COL11A1: variants seen among roughly 807,000 people sequenced by gnomAD.
COL11A1 encodes the protein collagen alpha-1(XI) chain.
In COL11A1, 74 loss-of-function variants were observed where a neutral mutation model predicts 265.2. The observed-to-expected ratio is 0.28, with a 90% CI of 0.23 to 0.34. COL11A1 has a LOEUF of 0.34. Ranked by LOEUF, COL11A1 falls within the 10% of genes least tolerant of loss-of-function variation. The probability of loss-of-function intolerance (pLI) is 1.00; values close to 1 mark genes in which losing one functional copy is unlikely to be tolerated. For missense variants in COL11A1, 2,165 were observed against 2,263.6 expected (o/e 0.96, Z 0.88); for synonymous variants, 816 against 727.6 (o/e 1.12, Z -1.96).
intron 1 of COL11A1, among the ~76,000 whole-genome samples, chr1:103,086,618 G>A (rs1226000970): frequency 1.3e-5 from 2 of 151,970 alleles, no homozygotes; most frequent in East Asian, 1.9e-4. Flanking sequence ...GGGTTTCACA[G>A]TGTTAGCCAG....
rs199954324 is a variant in COL11A1 at position 103,005,811 on chromosome 1, G to A, written c.1845+27C>T. 2.7e-5 allele frequency: 44 copies of A among 1,611,670 alleles called. No individual in the cohort carries two copies. The East Asian group carries it at 9.1e-4, about 34-fold the overall frequency. On this transcript the variant is annotated intron_variant, in intron 18 of 66. Transcript: ENST00000370096. ...TCTAAAATATTTTATAACATTCCCT[G>A]GAAAAAAAGGAATAGATGTATCTTA...
chr1:102,969,686 C>G (rs115386008), intron 37 of COL11A1, among the ~76,000 whole-genome samples: 42 of 152,106 alleles, frequency 2.8e-4, no homozygotes, highest in African/African-American at 9.9e-4. Context: ...ATTTAGTGAC[C>G]GTTTTTGATT....
intron 57 of COL11A1, among the ~76,000 whole-genome samples, chr1:102,890,808 G>T (rs1326155597): frequency 1.3e-5 from 2 of 151,690 alleles, no homozygotes; most frequent in Non-Finnish European, 2.9e-5. Flanking sequence ...GTTTTGGAAG[G>T]GATTTCCAAA....
intron 4 of COL11A1, among the ~76,000 whole-genome samples, chr1:103,072,064 C>G (rs1671634637): frequency 6.6e-6 from 1 of 151,394 alleles, no homozygotes; most frequent in Non-Finnish European, 1.5e-5. Flanking sequence ...TTGTCATCCC[C>G]AAATCAATTC....
chr1:103,006,149 G>A lies in COL11A1; in HGVS notation c.1738-28C>T, dbSNP rs201065900. ...AATAATGCCAACAGCATGATTAAGC[G>A]AAGTGACTTTTATTACTAGCAAGGA... On this transcript the variant is annotated intron_variant, in intron 16 of 66. Coordinates refer to ENST00000370096, the MANE Select transcript of COL11A1 (RefSeq NM_001854.4). 98 of 1,586,508 alleles carry A rather than the reference G, an allele frequency of 6.2e-5. No homozygotes were observed. In the Middle Eastern group the frequency reaches 1.0e-3, roughly 16 times the overall value.
At position 103,108,009 on chromosome 1, in the gene COL11A1, G is replaced by A. The variant is rs563080477; in HGVS notation, c.106+64C>T. 5.8e-4 allele frequency: 665 copies of A among 1,142,998 alleles called. 1 individual carries two copies. The highest frequency in any genetic ancestry group is 1.0e-3 in the Middle Eastern group (5 of 4,952). The allele number at this position is 1,142,998 out of a possible 1,614,324, so 70.8% of individuals were successfully genotyped here. A position where few individuals can be genotyped will look rare whatever the true frequency, so the allele number is the denominator to read the frequency against. Reference sequence around the variant, plus strand: ...GCGGGGAGGAAGGGTAAAGTGGGGGGAGGGGCGCAGAAGCAGTAGGACCGA... The same window carrying A: ...GCGGGGAGGAAGGGTAAAGTGGGGGAAGGGGCGCAGAAGCAGTAGGACCGA... On this transcript the variant is annotated intron_variant, in intron 1 of 66. Transcript: ENST00000370096.
intron 30 of COL11A1, 80 bp downstream of exon 30, chr1:102,987,553 C>T (rs1427190990): frequency 9.6e-7 from 1 of 1,046,212 alleles, no homozygotes; most frequent in East Asian, 2.4e-5. Context: ...CAATTTCTGA[C>T]ACCAGTTATT....
rs140090643 is a variant in COL11A1, at chr1:102,951,744, A to AAAAAT, written c.3169-4793_3169-4789dup. On this transcript the variant is annotated intron_variant, in intron 41 of 66. Coordinates refer to ENST00000370096, the MANE Select transcript of COL11A1 (RefSeq NM_001854.4). ...GCAACGGAGCCAGACTCCGTCTTAA[A>AAAAAT]AAAATAAAATAAAATAAAATAAAAT... Among the ~76,000 whole-genome samples, 47 of 151,776 alleles carry AAAAAT rather than the reference A, an allele frequency of 3.1e-4. No individual in the cohort carries two copies. The Middle Eastern group carries it at 0.01, about 33-fold the overall frequency.
rs141377745 is a variant in COL11A1 at position 103,088,594 on chromosome 1, C to T, written c.107-5622G>A. 1.7e-3 allele frequency among the ~76,000 whole-genome samples: 252 copies of T among 152,290 alleles called. 1 individual carries two copies. Among genetic ancestry groups the T allele is most frequent in the African/African-American group, 5.5e-3 (230 of 41,558 alleles). On this transcript the variant is annotated intron_variant, in intron 1 of 66. Coordinates refer to ENST00000370096, the MANE Select transcript of COL11A1 (RefSeq NM_001854.4). Reference sequence around the variant, plus strand: ...GTTTTTATTGGAACATAGTCACACCCGTTCATTTATATATTGTCCATAGCT... The same window carrying T: ...GTTTTTATTGGAACATAGTCACACCTGTTCATTTATATATTGTCCATAGCT...
chr1:103,093,529 T>C (rs771574853), intron 1 of COL11A1, among the ~76,000 whole-genome samples: 12 of 152,108 alleles, frequency 7.9e-5, no homozygotes, highest in African/African-American at 1.2e-4. Context: ...TCTACAGTTG[T>C]GCAAATTCAG....
intron 26 of COL11A1, 78 bp from the exon 27 acceptor site, chr1:102,996,120 T>G: frequency 6.3e-6 from 9 of 1,424,248 alleles, no homozygotes; most frequent in African/African-American, 1.4e-5. Context: ...TTTTACCAAC[T>G]AATCTACAAG....
chr1:102,930,297 A>AGGGC (rs1398546322), intron 46 of COL11A1, among the ~76,000 whole-genome samples: 16 of 151,932 alleles, frequency 1.1e-4, no homozygotes, highest in Non-Finnish European at 1.9e-4. Context: ...AGTTTTTAGC[A>AGGGC]TGAATGGTTG....
chr1:102,912,322 C>A, intron 53 of COL11A1, 110 bp from the exon 54 acceptor site: 2 of 801,138 alleles, frequency 2.5e-6, no homozygotes, highest in Admixed American at 2.8e-5. Flanking sequence ...TTCCACATGT[C>A]AATATTTCCT....
At chr1:103,030,648 T>A (rs547162065) in intron 5 of COL11A1, among the ~76,000 whole-genome samples, 24 of 146,000 alleles carry the variant, frequency 1.6e-4, no homozygotes, top group African/African-American at 4.7e-4. Flanking sequence ...TATGAGAAAA[T>A]TTTTTTTAAA....
chr1:103,104,022 A>G (rs1017467620), intron 1 of COL11A1, among the ~76,000 whole-genome samples: 10 of 152,130 alleles, frequency 6.6e-5, no homozygotes, highest in African/African-American at 2.4e-4. Flanking sequence ...GAGGAAGAGT[A>G]TTCAGCTGAC....
intron 7 of COL11A1, among the ~76,000 whole-genome samples, chr1:103,024,936 A>C (rs972412887): frequency 2.0e-5 from 3 of 152,172 alleles, no homozygotes; most frequent in African/African-American, 7.2e-5. Flanking sequence ...AATTTCAGGA[A>C]GATTAATTTT....
At chr1:102,904,110 G>A (rs2100963282) in intron 54 of COL11A1, among the ~76,000 whole-genome samples, 1 of 152,222 alleles carries the variant, frequency 6.6e-6, no homozygotes, top group East Asian at 1.9e-4. Flanking sequence ...TGATCCTCTT[G>A]CTTCAGCCTC....
rs778396488 is a variant in COL11A1 at position 102,914,788 on chromosome 1, C to A, written c.3840G>T (p.Glu1280Asp). ...GVGGPKGERG[E>D]KGEAGPPGAA... Reference sequence around the variant, plus strand: ...CTCCAGGTGGACCAGCTTCCCCTTTCTCTCCTCTTTCTCCTTTGGGACCCT... The same window carrying A: ...CTCCAGGTGGACCAGCTTCCCCTTTATCTCCTCTTTCTCCTTTGGGACCCT... The change falls in exon 51 of 67, where the codon GAG (glutamate) becomes GAT (aspartate). Residue 1280 changes from glutamate (E) to aspartate (D), a missense_variant. Glu to Asp is a conservative substitution (Grantham distance 45, BLOSUM62 2). Transcript: ENST00000370096. The A allele has an allele frequency of 1.2e-6, 2 of 1,610,204 alleles. No individual in the cohort carries two copies. The highest frequency in any genetic ancestry group is 3.4e-5 in the Admixed American group (2 of 59,428).
chr1:103,024,464 A>G (rs1409580688), intron 7 of COL11A1, among the ~76,000 whole-genome samples: 2 of 152,242 alleles, frequency 1.3e-5, no homozygotes, highest in African/African-American at 4.8e-5. Flanking sequence ...GAAAATATGT[A>G]GATAAATGAT....
Sources: gnomAD v4.1 joint callset for allele counts (sites outside exome capture counted in the v4.1 genomes callset) on GRCh38, gnomAD v4.1.1 for gene constraint, MANE v1.5 for transcripts, NCBI Gene and HGNC (gene_info 2026-07-23, HGNC 2026-07-21) for gene names.